TESPA1: variants seen among roughly 807,000 people sequenced by gnomAD.
TESPA1 encodes thymocyte expressed, positive selection associated 1.
A neutral mutation model predicts 57.9 loss-of-function variants in TESPA1; 33 were observed. That is an observed-to-expected ratio of 0.57 (90% CI 0.43 to 0.76). The LOEUF is 0.76. Ranked by LOEUF, TESPA1 falls within the 30% of genes least tolerant of loss-of-function variation. The pLI, the probability that TESPA1 is intolerant of heterozygous loss-of-function variation, is 0.00. For missense variants in TESPA1, 618 were observed against 632.9 expected (o/e 0.98, Z 0.25); for synonymous variants, 227 against 228.9 (o/e 0.99, Z 0.07).
intron 1 of TESPA1, among the ~76,000 whole-genome samples, chr12:54,982,359 T>C (rs1952352052): frequency 1.3e-5 from 2 of 152,108 alleles, no homozygotes; most frequent in African/African-American, 4.8e-5. Context: ...ACTTGGTAAA[T>C]AACAGAAAGA....
At chr12:54,972,319 G>A (rs1331217248) in intron 3 of TESPA1, among the ~76,000 whole-genome samples, 1 of 152,128 alleles carries the variant, frequency 6.6e-6, no homozygotes, top group African/African-American at 2.4e-5. Context: ...AAACTACTTG[G>A]CACCCCTCTA....
rs1335632371 is a variant in TESPA1 at position 54,949,577 on chromosome 12, A to G, written c.*815T>C. On this transcript the variant is annotated 3_prime_UTR_variant, in exon 11 of 11. Coordinates refer to ENST00000449076, the MANE Select transcript of TESPA1 (RefSeq NM_001136030.3). ...CTCAAGCCCTGTTTATTGACAAAACATTTAACTTCCAAAGCAAACTACAGC... is the reference window on the plus strand; with the variant it reads ...CTCAAGCCCTGTTTATTGACAAAACGTTTAACTTCCAAAGCAAACTACAGC... 6.6e-6 allele frequency: 1 copy of G among 152,386 alleles called. No individual in the cohort carries two copies. The highest frequency in any genetic ancestry group is 1.5e-5 in the Non-Finnish European group (1 of 68,036). 9.4% of individuals were successfully genotyped at this position (152,386 alleles called of 1,614,324 possible). A position where few individuals can be genotyped will look rare whatever the true frequency, so the allele number is the denominator to read the frequency against.
intron 7 of TESPA1, among the ~76,000 whole-genome samples, chr12:54,965,475 T>C (rs1170777724): frequency 4.6e-5 from 7 of 152,204 alleles, no homozygotes; most frequent in Non-Finnish European, 8.8e-5. Flanking sequence ...GTTAGTTTGC[T>C]GAGGATAACG....
Position 54,963,838 on chromosome 12 carries a change from T to A in TESPA1, c.559A>T (p.Thr187Ser), listed in dbSNP as rs764285105. The change falls in exon 8 of 11, where the codon ACC (threonine) becomes TCC (serine). Residue 187 changes from threonine (T) to serine (S), a missense_variant. Thr to Ser is a moderately conservative substitution (Grantham distance 58). Transcript: ENST00000449076. ...ATGCCCTTGGCCTGAGAGGGGGTGG[T>A]GAAAAATCGGGCGGGTATCCGAGAA... ...DTSRIPARFF[T>S]TPSQAKGIDF... 11 of 1,613,916 alleles carry A rather than the reference T, an allele frequency of 6.8e-6. No homozygotes were observed. The East Asian group carries it at 2.5e-4, about 36-fold the overall frequency.
At chr12:54,966,176 T>C in intron 6 of TESPA1, 25 bp from the exon 7 acceptor site, 1 of 1,563,800 alleles carries the variant, frequency 6.4e-7, no homozygotes, top group Non-Finnish European at 8.7e-7. Context: ...GCTGATGTCA[T>C]ACAAATCTTG....
Position 54,974,541 on chromosome 12 carries a change from G to C in TESPA1, c.22C>G (p.Pro8Ala). The change falls in exon 2 of 11, where the codon CCC becomes GCC. Residue 8 changes from proline to alanine, a missense_variant. Transcript: ENST00000449076. ...GCCCGCCGTTTCTCCCAGGATGTGGGGCTCAGCACAGAGGCCTCCATGGCC... is the reference window on the plus strand; with the variant it reads ...GCCCGCCGTTTCTCCCAGGATGTGGCGCTCAGCACAGAGGCCTCCATGGCC... MEASVLS[P>A]TSWEKRRAWL... 6.3e-7 allele frequency: 1 copy of C among 1,596,972 alleles called. No homozygotes were observed. Among genetic ancestry groups the C allele is most frequent in the Non-Finnish European group, 8.5e-7 (1 of 1,171,562 alleles).
chr12:54,966,061 A>C lies in TESPA1; in HGVS notation c.438T>G (p.Thr146=), dbSNP rs1951408148. 1 of 1,571,710 alleles carries C rather than the reference A, an allele frequency of 6.4e-7. No individual in the cohort carries two copies. The highest frequency in any genetic ancestry group is 1.2e-5 in the South Asian group (1 of 85,474). Residue 146 remains threonine (T), a synonymous_variant, in exon 7 of 11, where the codon ACT becomes ACG. Coordinates refer to ENST00000449076, the MANE Select transcript of TESPA1 (RefSeq NM_001136030.3). ...SSSMTGGTNK[T]SSSISEILDK... is the part of the protein sequence containing the mutation. ...CAAACTTCAGTACCTACCTTGAACT[A>C]GTCTTGTTGGTCCCCCCAGTCATGC...
At chr12:54,967,029 T>C (rs2136133767) in intron 5 of TESPA1, among the ~76,000 whole-genome samples, 154 bp downstream of exon 5, 1 of 152,250 alleles carries the variant, frequency 6.6e-6, no homozygotes, top group South Asian at 2.1e-4. Context: ...TTCTGCATTT[T>C]ACATTAGATA....
intron 5 of TESPA1, among the ~76,000 whole-genome samples, 165 bp downstream of exon 5, chr12:54,967,018 C>T (rs1017762446): frequency 2.0e-5 from 3 of 152,036 alleles, no homozygotes; most frequent in African/African-American, 7.3e-5. Context: ...CATGTGATGC[C>T]TTCTGCATTT....
upstream of TESPA1, among the ~76,000 whole-genome samples, chr12:54,985,085 T>G (rs576021254): frequency 1.3e-5 from 2 of 152,328 alleles, no homozygotes; most frequent in South Asian, 4.1e-4. Context: ...AAGCTCTCTC[T>G]CATAAATGAT....
At chr12:54,961,657 T>G (rs1951086137) in intron 9 of TESPA1, among the ~76,000 whole-genome samples, 1 of 152,232 alleles carries the variant, frequency 6.6e-6, no homozygotes, top group African/African-American at 2.4e-5. Flanking sequence ...TGTGCCCACC[T>G]AGTCCTGCAC....
chr12:54,963,963 A>T lies in TESPA1; in HGVS notation c.447-13T>A. On this transcript the variant is annotated splice_polypyrimidine_tract_variant and intron_variant, in intron 7 of 10. Transcript: ENST00000449076. ...AATTTCTGAGATGCTGAAATGAGGG[A>T]GTTTGGGTAAATAAGGGACAACTTT... The T allele has an allele frequency of 6.2e-7, 1 of 1,610,178 alleles. No homozygotes were observed.
intron 7 of TESPA1, among the ~76,000 whole-genome samples, chr12:54,965,713 T>A (rs1951384954): frequency 6.6e-6 from 1 of 152,202 alleles, no homozygotes; most frequent in Admixed American, 6.5e-5. Flanking sequence ...TTTTATTGCT[T>A]CATTCAGTCA....
chr12:54,967,969 C>T (rs1565856845), intron 3 of TESPA1, 77 bp from the exon 4 acceptor site: 2 of 1,600,128 alleles, frequency 1.2e-6, no homozygotes, highest in Admixed American at 1.7e-5. Flanking sequence ...AAAACTCACA[C>T]ATATTCATAT....
chr12:54,974,530 C>G lies in TESPA1; in HGVS notation c.33G>C (p.Trp11Cys), dbSNP rs1481915725. 1 of 1,600,020 alleles carries G rather than the reference C, an allele frequency of 6.2e-7. No individual in the cohort carries two copies. The highest frequency in any genetic ancestry group is 1.1e-5 in the South Asian group (1 of 88,238). Residue 11 changes from tryptophan to cysteine, a missense_variant, in exon 2 of 11, where the codon TGG becomes TGC. Around this residue, in one of 3 missense-constraint regions of TESPA1, gnomAD observed 199 missense variants for 184.0 expected, o/e 1.08. Coordinates refer to ENST00000449076, the MANE Select transcript of TESPA1 (RefSeq NM_001136030.3). MEASVLSPTS[W>C]EKRRAWLRQS... is the part of the protein sequence containing the mutation. ...GACGGAGCCAGGCCCGCCGTTTCTCCCAGGATGTGGGGCTCAGCACAGAGG... is the reference window on the plus strand; with the variant it reads ...GACGGAGCCAGGCCCGCCGTTTCTCGCAGGATGTGGGGCTCAGCACAGAGG...
At position 54,962,560 on chromosome 12, in the gene TESPA1, A is replaced by T. The variant is rs1012157162; in HGVS notation, c.1338T>A (p.Asn446Lys). ...AGGACTTAACCTTCCTGCCCATGAG[A>T]TTCTTCTGGAAGAGGCTCTTTCTTG... ...SRARKSLFQKNLMGRKVKSLD... is the reference protein window; with the variant it reads ...SRARKSLFQKKLMGRKVKSLD... Residue 446 changes from asparagine to lysine, a missense_variant, in exon 9 of 11, where the codon AAT becomes AAA. Asn to Lys is a moderately conservative substitution (Grantham distance 94). Around this residue, in one of 3 missense-constraint regions of TESPA1, gnomAD observed 409 missense variants for 420.1 expected, o/e 0.97. Coordinates refer to ENST00000449076, the MANE Select transcript of TESPA1 (RefSeq NM_001136030.3). The T allele has an allele frequency of 1.2e-6, 2 of 1,613,724 alleles. No individual in the cohort carries two copies. The highest frequency in any genetic ancestry group is 8.5e-7 in the Non-Finnish European group (1 of 1,179,882).
At chr12:54,953,522 C>CTTTTTTTTTTTTTTTTTTT (rs1178610425) in intron 10 of TESPA1, among the ~76,000 whole-genome samples, 1 of 135,366 alleles carries the variant, frequency 7.4e-6, no homozygotes, top group East Asian at 2.9e-4. Context: ...TTTTTATTTA[C>CTTTTTTTTTTTTTTTTTTT]TTTTTTTTTT....
intron 8 of TESPA1, 86 bp downstream of exon 8, chr12:54,963,656 G>C (rs891571266): frequency 7.1e-7 from 1 of 1,416,914 alleles, no homozygotes; most frequent in Non-Finnish European, 9.7e-7. Flanking sequence ...ATAACCAAGA[G>C]AAAGCAGGAT....
intron 10 of TESPA1, among the ~76,000 whole-genome samples, chr12:54,955,089 G>C (rs34082086): frequency 1.3e-5 from 2 of 151,904 alleles, no homozygotes; most frequent in African/African-American, 4.8e-5. Context: ...ACATCCTTGC[G>C]AACACGTATC....
Sources: allele counts gnomAD v4.1 joint callset (sites outside exome capture counted in the v4.1 genomes callset), GRCh38; gene constraint gnomAD v4.1.1; regional missense constraint gnomAD v4.1.1; transcripts MANE v1.5; gene names NCBI Gene and HGNC (gene_info 2026-07-23, HGNC 2026-07-21).